Variants in CTNNA2 observed in about 807,000 individuals in gnomAD.
CTNNA2 encodes catenin alpha 2.
CTNNA2 carries 42 observed loss-of-function variants against 101.0 expected under a neutral mutation model. The observed-to-expected ratio is 0.42, with a 90% confidence interval of 0.32 to 0.54. The LOEUF (loss-of-function observed/expected upper bound fraction) is 0.54. Among genes scored for constraint, CTNNA2 ranks in the 20% least tolerant of loss-of-function variants. CTNNA2 has a pLI of 0.14. For synonymous variants in CTNNA2, 450 were observed against 456.4 expected, an observed-to-expected ratio of 0.99 and a Z score of 0.18; for missense variants, 871 against 1,223.1, an observed-to-expected ratio of 0.71 and a Z score of 4.29.
At chr2:79,788,625 A>G (rs1675032000) in intron 3 of CTNNA2, among the ~76,000 whole-genome samples, 1 of 152,204 alleles carries the variant, frequency 6.6e-6, no homozygotes, top group Admixed American at 6.5e-5. Context: ...GGTTGCATGC[A>G]TGCATACATG....
chr2:79,798,101 C>T (rs1192460810), intron 3 of CTNNA2, among the ~76,000 whole-genome samples: 1 of 152,088 alleles, frequency 6.6e-6, no homozygotes, highest in Admixed American at 6.5e-5. Flanking sequence ...TTCATGTTCC[C>T]TGCCCCATAC....
chr2:79,453,662 TA>T (rs1425374665), intron 4 of CTNNA2, among the ~76,000 whole-genome samples: 2 of 152,138 alleles, frequency 1.3e-5, no homozygotes, highest in African/African-American at 4.8e-5. Flanking sequence ...ACAGTATATA[TA>T]TATTTTTCAG....
At chr2:79,945,113 G>A (rs1404720474) in intron 7 of CTNNA2, among the ~76,000 whole-genome samples, 1 of 152,140 alleles carries the variant, frequency 6.6e-6, no homozygotes, top group Non-Finnish European at 1.5e-5. Flanking sequence ...CACCACCTTG[G>A]CTCACTGCAG....
At chr2:79,227,542 T>C (rs985643086) in intron 2 of CTNNA2, among the ~76,000 whole-genome samples, 7 of 152,132 alleles carry the variant, frequency 4.6e-5, no homozygotes, top group Admixed American at 3.3e-4. Context: ...GCAAGTTTGA[T>C]TCCAGACAAC....
intron 4 of CTNNA2, among the ~76,000 whole-genome samples, chr2:79,414,281 C>A (rs549368015): frequency 1.0e-3 from 152 of 151,938 alleles, no homozygotes; most frequent in African/African-American, 3.5e-3. Context: ...ATTCTACATT[C>A]TAAGAATGGT....
chr2:79,304,842 C>T (rs961108782), intron 2 of CTNNA2, among the ~76,000 whole-genome samples: 1 of 152,104 alleles, frequency 6.6e-6, no homozygotes, highest in Non-Finnish European at 1.5e-5. Context: ...CATAAAAGAT[C>T]TGGACAGTGA....
intron 7 of CTNNA2, among the ~76,000 whole-genome samples, chr2:80,137,225 A>G (rs1702744356): frequency 6.6e-6 from 1 of 152,154 alleles, no homozygotes; most frequent in Admixed American, 6.6e-5. Context: ...CCAAGGTGGT[A>G]AAGGAGGGTT....
chr2:79,844,951 A>G (rs1680094533), intron 3 of CTNNA2, among the ~76,000 whole-genome samples: 2 of 138,340 alleles, frequency 1.4e-5, no homozygotes, highest in African/African-American at 5.3e-5. Flanking sequence ...AAAAGCTGCC[A>G]TGGGAGGGAT....
intron 15 of CTNNA2, among the ~76,000 whole-genome samples, chr2:80,597,429 C>A (rs1697080245): frequency 6.6e-6 from 1 of 152,152 alleles, no homozygotes; most frequent in Non-Finnish European, 1.5e-5. Context: ...GACTTCATGA[C>A]TAAAACACCA....
intron 7 of CTNNA2, among the ~76,000 whole-genome samples, chr2:80,113,839 G>A (rs1417917655): frequency 2.0e-5 from 3 of 152,308 alleles, no homozygotes; most frequent in East Asian, 3.9e-4. Flanking sequence ...AAACATTCAT[G>A]GGATTCTGGA....
intron 7 of CTNNA2, among the ~76,000 whole-genome samples, chr2:79,959,926 T>C (rs1338004280): frequency 6.6e-6 from 1 of 152,208 alleles, no homozygotes; most frequent in Non-Finnish European, 1.5e-5. Flanking sequence ...TCCCTGTTTC[T>C]CATTTAATTT....
chr2:79,441,167 C>T (rs1361996865), intron 4 of CTNNA2, among the ~76,000 whole-genome samples: 1 of 152,162 alleles, frequency 6.6e-6, no homozygotes, highest in Non-Finnish European at 1.5e-5. Flanking sequence ...AATTTAAATA[C>T]AAGTATTAGA....
chr2:80,479,912 AG>A (rs1686020904), intron 9 of CTNNA2, among the ~76,000 whole-genome samples: 1 of 152,172 alleles, frequency 6.6e-6, no homozygotes, highest in Non-Finnish European at 1.5e-5. Context: ...TCAACTTTGG[AG>A]AAAGCTTGGT....
chr2:79,717,075 A>G (rs769651767), intron 2 of CTNNA2, among the ~76,000 whole-genome samples: 4 of 152,342 alleles, frequency 2.6e-5, no homozygotes, highest in Admixed American at 1.3e-4. Flanking sequence ...AGAAGAAACA[A>G]TTTTAATAAA....
intron 18 of CTNNA2, among the ~76,000 whole-genome samples, chr2:80,627,352 A>G (rs919875353): frequency 3.3e-4 from 50 of 152,046 alleles, no homozygotes; most frequent in Non-Finnish European, 6.6e-4. Flanking sequence ...AAGCGTTCCT[A>G]TTTCTCCACA....
At chr2:79,850,302 C>CTTT (rs1553382253) in intron 3 of CTNNA2, among the ~76,000 whole-genome samples, 1 of 59,564 alleles carries the variant, frequency 1.7e-5, no homozygotes, top group Non-Finnish European at 3.0e-5. Flanking sequence ...CTCCCTCCCC[C>CTTT]CTCCCTTCCT....
intron 7 of CTNNA2, among the ~76,000 whole-genome samples, chr2:80,235,153 T>A (rs1709477895): frequency 6.6e-6 from 1 of 152,196 alleles, no homozygotes; most frequent in Non-Finnish European, 1.5e-5. Context: ...TATTTGTCCA[T>A]TGTTACTTTA....
chr2:79,941,951 T>C (rs1688193460), intron 7 of CTNNA2, among the ~76,000 whole-genome samples: 1 of 152,114 alleles, frequency 6.6e-6, no homozygotes, highest in Non-Finnish European at 1.5e-5. Context: ...TCTGTAGAAA[T>C]TCTTAAAGAT....
intron 7 of CTNNA2, among the ~76,000 whole-genome samples, chr2:80,085,116 G>C (rs1044835219): frequency 2.6e-5 from 4 of 152,080 alleles, no homozygotes; most frequent in African/African-American, 9.7e-5. Context: ...AATAGGCCAA[G>C]TTAAGGTGAA....
Sources: allele counts gnomAD v4.1 joint callset (sites outside exome capture counted in the v4.1 genomes callset), GRCh38; gene constraint gnomAD v4.1.1; transcripts MANE v1.5; gene names NCBI Gene and HGNC (gene_info 2026-07-23, HGNC 2026-07-21).